Variants in BCL7A observed in about 807,000 individuals in gnomAD.
BCL7A encodes the protein BAF chromatin remodeling complex subunit BCL7A, also known as B-cell CLL/lymphoma 7 protein family member A.
In BCL7A, 11 loss-of-function variants were observed where a neutral mutation model predicts 28.4. That is an observed-to-expected ratio of 0.39 (90% CI 0.24 to 0.64). The LOEUF is 0.64. Ranked by LOEUF, BCL7A falls within the 30% of genes least tolerant of loss-of-function variation. BCL7A has a pLI of 0.50. For synonymous variants in BCL7A, 123 were observed against 103.3 expected (o/e 1.19, Z -1.15); for missense variants, 222 against 274.8 (o/e 0.81, Z 1.36).
At chr12:122,042,081 T>C (rs7976716) in intron 3 of BCL7A, among the ~76,000 whole-genome samples, 60,651 of 151,616 alleles carry the variant, frequency 0.4, 13,498 homozygotes, top group Non-Finnish European at 0.52. Context: ...AAAAAATAAA[T>C]AGAGTGACTC....
chr12:122,022,562 T>C (rs1290799452), intron 1 of BCL7A, among the ~76,000 whole-genome samples: 1 of 143,802 alleles, frequency 7.0e-6, no homozygotes, highest in Non-Finnish European at 1.5e-5. Context: ...GAAAGCGGCT[T>C]CCCGCGCGCC....
intron 4 of BCL7A, among the ~76,000 whole-genome samples, chr12:122,051,868 T>C (rs964085598): frequency 4.2e-5 from 5 of 119,936 alleles, no homozygotes; most frequent in African/African-American, 7.6e-5. Context: ...CTCTCTCTCT[T>C]TTTTTTTTTT....
chr12:122,026,079 C>A (rs1230888579), intron 1 of BCL7A, among the ~76,000 whole-genome samples: 1 of 151,308 alleles, frequency 6.6e-6, no homozygotes, highest in Non-Finnish European at 1.5e-5. Context: ...ACCATCCTGG[C>A]TAACAGTGAA....
rs145289017 is a variant in BCL7A at position 122,033,684 on chromosome 12, T to C, written c.175-1647T>C. 7.2e-5 allele frequency among the ~76,000 whole-genome samples: 11 copies of C among 152,002 alleles called. No individual in the cohort carries two copies. In the East Asian group the frequency reaches 1.9e-3, roughly 27 times the overall value. ...GTTGCTCAGGCTGGTCTCAAACTCC[T>C]GGCCCCAAGCCATCCTCCTGCCTGA... On this transcript the variant is annotated intron_variant, in intron 2 of 5. Coordinates refer to ENST00000261822, the MANE Select transcript of BCL7A (RefSeq NM_001024808.3).
chr12:122,043,743 A>G (rs1174739816), intron 3 of BCL7A, 143 bp from the exon 4 acceptor site: 10 of 890,888 alleles, frequency 1.1e-5, no homozygotes, highest in Non-Finnish European at 1.5e-5. Context: ...CTCAAAAAAA[A>G]AAAAAACGGT....
Position 122,059,141 on chromosome 12 carries a change from A to G in BCL7A, c.611A>G (p.Gln204Arg). ...PSKKMKLEASQQNSEEM is the reference protein window; with the variant it reads ...PSKKMKLEASRQNSEEM ...AAAAAGATGAAACTGGAGGCCTCTC[A>G]ACAAAACTCCGAAGAGATGTAGACG... The change falls in exon 6 of 6, where the codon CAA (glutamine) becomes CGA (arginine). Residue 204 changes from glutamine to arginine, a missense_variant. Coordinates refer to ENST00000261822, the MANE Select transcript of BCL7A (RefSeq NM_001024808.3). This position sits in a 1 kb window ranked among gnomAD's most constrained non-coding sequence, Gnocchi z 4.0. The G allele has an allele frequency of 3.7e-6, 6 of 1,612,620 alleles. No homozygotes were observed. The highest frequency in any genetic ancestry group is 4.2e-6 in the Non-Finnish European group (5 of 1,178,574).
At chr12:122,028,426 T>TC (rs1265069424) in intron 1 of BCL7A, among the ~76,000 whole-genome samples, 3 of 152,018 alleles carry the variant, frequency 2.0e-5, no homozygotes, top group African/African-American at 4.8e-5. Context: ...TTTTTTTTTT[T>TC]CCCAAACACA....
intron 1 of BCL7A, among the ~76,000 whole-genome samples, chr12:122,024,645 G>C (rs761802003): frequency 6.6e-6 from 1 of 151,762 alleles, no homozygotes; most frequent in Non-Finnish European, 1.5e-5. Context: ...CACCACTGGT[G>C]GGGGGGTGGG....
intron 4 of BCL7A, among the ~76,000 whole-genome samples, chr12:122,052,064 G>T (rs1029857306): frequency 2.6e-5 from 4 of 151,574 alleles, no homozygotes; most frequent in Admixed American, 6.6e-5. Flanking sequence ...TAGTAGAGAC[G>T]GGGTTTCACC....
In BCL7A at chr12:122,061,879, A is replaced by C. The variant is rs1373311704; in HGVS notation, c.*2716A>C. ...GCCAAGAACCTGGTTAGAGGCATAA[A>C]GACCTTTTTTCACCGTTACCTAATT... On this transcript the variant is annotated 3_prime_UTR_variant, in exon 6 of 6. Transcript: ENST00000261822. 4.5e-6 allele frequency: 1 copy of C among 221,288 alleles called. No individual in the cohort carries two copies. Among genetic ancestry groups the C allele is most frequent in the Non-Finnish European group, 9.1e-6 (1 of 110,410 alleles). 13.7% of individuals were successfully genotyped at this position (221,288 alleles called of 1,614,324 possible).
intron 2 of BCL7A, among the ~76,000 whole-genome samples, chr12:122,032,734 A>G (rs955158036): frequency 2.6e-5 from 4 of 152,206 alleles, no homozygotes; most frequent in African/African-American, 7.2e-5. Context: ...GCAACAGAGC[A>G]AAAGCAATAT....
chr12:122,044,159 A>G, intron 4 of BCL7A, 106 bp downstream of exon 4: 1 of 1,331,506 alleles, frequency 7.5e-7, no homozygotes, highest in Non-Finnish European at 1.0e-6. Flanking sequence ...CAGCCCCAGC[A>G]AGGAGACAGT....
chr12:122,052,939 C>G (rs1194063808), intron 4 of BCL7A, among the ~76,000 whole-genome samples: 2 of 148,910 alleles, frequency 1.3e-5, no homozygotes, highest in African/African-American at 4.9e-5. Flanking sequence ...ATCCACCCAC[C>G]TTAGCCTCCC....
rs370864579 is a variant in BCL7A, at chr12:122,054,787, G to A, written c.440-18G>A. 16 of 1,609,716 alleles carry A rather than the reference G, an allele frequency of 9.9e-6. No homozygotes were observed. The highest frequency in any genetic ancestry group is 4.0e-5 in the African/African-American group (3 of 74,820). ...CACGTGTCTGAAAACAGCTCCTGTCGTCTTGCTCTTCCCTCAGATGCTTCT... is the reference window on the plus strand; with the variant it reads ...CACGTGTCTGAAAACAGCTCCTGTCATCTTGCTCTTCCCTCAGATGCTTCT... On this transcript the variant is annotated intron_variant, in intron 4 of 5. Coordinates refer to ENST00000261822, the MANE Select transcript of BCL7A (RefSeq NM_001024808.3).
At position 122,050,309 on chromosome 12, in the gene BCL7A, C is replaced by G. The variant is rs1045039005; in HGVS notation, c.440-4496C>G. On this transcript the variant is annotated intron_variant, in intron 4 of 5. Transcript: ENST00000261822. ...ATCCTTCTTTATTGTGGGGGGGGGG[C>G]CATCCTGTGCATTGTGGGACATTGA... Among the ~76,000 whole-genome samples, 204 of 148,220 alleles carry G rather than the reference C, an allele frequency of 1.4e-3. 1 individual carries two copies. Among genetic ancestry groups the G allele is most frequent in the Non-Finnish European group, 2.2e-3 (146 of 67,882 alleles).
intron 3 of BCL7A, among the ~76,000 whole-genome samples, chr12:122,036,199 C>T (rs1404952811): frequency 2.0e-5 from 3 of 152,054 alleles, no homozygotes; most frequent in Non-Finnish European, 2.9e-5. Flanking sequence ...ACTGCCCTTC[C>T]ACGTCTACAC....
At chr12:122,046,769 T>TA in intron 4 of BCL7A, among the ~76,000 whole-genome samples, 1 of 152,206 alleles carries the variant, frequency 6.6e-6, no homozygotes, top group East Asian at 1.9e-4. Flanking sequence ...CTGGGGCAGT[T>TA]ACCAGCTGAA....
At position 122,060,714 on chromosome 12, in the gene BCL7A, G is replaced by A; in HGVS notation, c.*1551G>A. ...CATATTCAGGTACCACCTTTGACGT[G>A]TGGCTCTTTCTCCTGACCATCATGG... On this transcript the variant is annotated 3_prime_UTR_variant, in exon 6 of 6. Transcript: ENST00000261822. 1 of 232,872 alleles carries A rather than the reference G, an allele frequency of 4.3e-6. No individual in the cohort carries two copies. Among genetic ancestry groups the A allele is most frequent in the Non-Finnish European group, 8.5e-6 (1 of 117,744 alleles). The allele number at this position is 232,872 out of a possible 1,614,324, so 14.4% of individuals were successfully genotyped here. A position where few individuals can be genotyped will look rare whatever the true frequency, so the allele number is the denominator to read the frequency against.
intron 1 of BCL7A, among the ~76,000 whole-genome samples, chr12:122,022,541 G>A (rs1883488900): frequency 7.0e-6 from 1 of 142,782 alleles, no homozygotes. Flanking sequence ...TTCGTTTTGT[G>A]CAAGTCACAT....
Sources: allele counts gnomAD v4.1 joint callset (sites outside exome capture counted in the v4.1 genomes callset), GRCh38; gene constraint gnomAD v4.1.1; non-coding constraint Gnocchi (gnomAD v3.1); transcripts MANE v1.5; gene names NCBI Gene and HGNC (gene_info 2026-07-23, HGNC 2026-07-21).